The following SNTG1 variants were observed in gnomAD, a reference collection of about 807,000 sequenced individuals.
SNTG1 encodes the protein gamma-1-syntrophin.
SNTG1 carries 39 observed loss-of-function variants against 74.7 expected under a neutral mutation model. That is an observed-to-expected ratio of 0.52 (90% CI 0.40 to 0.68). The LOEUF (loss-of-function observed/expected upper bound fraction) is 0.68, where lower values mean the gene tolerates loss of function less well. Ranked by LOEUF, SNTG1 falls within the 30% of genes least tolerant of loss-of-function variation. The pLI, the probability that SNTG1 is intolerant of heterozygous loss-of-function variation, is 0.00. For missense variants in SNTG1, 685 were observed against 609.5 expected (o/e 1.12, Z -1.30); for synonymous variants, 254 against 217.1 (o/e 1.17, Z -1.49).
At chr8:50,069,267 G>A (rs1194752977) in intron 1 of SNTG1, among the ~76,000 whole-genome samples, 3 of 152,130 alleles carry the variant, frequency 2.0e-5, no homozygotes, top group Admixed American at 6.5e-5. Context: ...CCAACTTTGG[G>A]CTCAGTGGTA....
At chr8:50,227,059 G>T (rs1041564218) in intron 2 of SNTG1, among the ~76,000 whole-genome samples, 1 of 152,012 alleles carries the variant, frequency 6.6e-6, no homozygotes, top group African/African-American at 2.4e-5. Context: ...AATACATCTG[G>T]ACACACTGAA....
At chr8:50,564,349 C>T (rs1057277908) in intron 12 of SNTG1, among the ~76,000 whole-genome samples, 8 of 151,966 alleles carry the variant, frequency 5.3e-5, no homozygotes, top group African/African-American at 1.9e-4. Context: ...AATATATAAA[C>T]ATATATAGAA....
chr8:50,101,170 G>T (rs925357035), intron 1 of SNTG1, among the ~76,000 whole-genome samples: 1 of 151,822 alleles, frequency 6.6e-6, no homozygotes, highest in Non-Finnish European at 1.5e-5. Flanking sequence ...TTTTCCTTAC[G>T]CAATCCATCA....
chr8:50,225,731 C>A (rs911619876), intron 2 of SNTG1, among the ~76,000 whole-genome samples: 1 of 152,128 alleles, frequency 6.6e-6, no homozygotes, highest in Admixed American at 6.5e-5. Context: ...TATTTAAGTG[C>A]TTGAGTAAGA....
At chr8:50,334,351 C>T (rs2091068501) in intron 2 of SNTG1, among the ~76,000 whole-genome samples, 1 of 152,086 alleles carries the variant, frequency 6.6e-6, no homozygotes, top group African/African-American at 2.4e-5. Flanking sequence ...TGTTTTAAGC[C>T]AGTAACTTTG....
chr8:50,222,392 A>G (rs1222277562), intron 2 of SNTG1, among the ~76,000 whole-genome samples: 1 of 152,178 alleles, frequency 6.6e-6, no homozygotes, highest in Non-Finnish European at 1.5e-5. Flanking sequence ...GGTTAAAGGC[A>G]CATCTCTTTC....
At chr8:50,198,354 C>T (rs1049171313) in intron 2 of SNTG1, among the ~76,000 whole-genome samples, 24 of 152,266 alleles carry the variant, frequency 1.6e-4, no homozygotes, top group Middle Eastern at 3.4e-3. Context: ...TTTTATCATG[C>T]CACACCATCA....
At chr8:50,655,795 A>T (rs186353835) in intron 13 of SNTG1, among the ~76,000 whole-genome samples, 7 of 152,326 alleles carry the variant, frequency 4.6e-5, no homozygotes, top group South Asian at 2.1e-4. Flanking sequence ...GCTGCAAAAC[A>T]AACCATCCCC....
Position 50,236,910 on chromosome 8 carries a change from TA to T in SNTG1, c.-28+64280del, listed in dbSNP as rs944668797. 2.0e-4 allele frequency among the ~76,000 whole-genome samples: 31 copies of T among 152,290 alleles called. 1 individual carries two copies. The highest frequency in any genetic ancestry group is 7.2e-4 in the African/African-American group (30 of 41,580). ...ATTTGGAAGCAAATCCTAGATATCA[TA>T]AAAACTTCCTTTAAGTAGTTCAGTG... On this transcript the variant is annotated intron_variant, in intron 2 of 18. Transcript: ENST00000642720.
At position 50,174,394 on chromosome 8, in the gene SNTG1, A is replaced by T. The variant is rs559992297; in HGVS notation, c.-28+1759A>T. Among the ~76,000 whole-genome samples the T allele has an allele frequency of 2.0e-5, 3 of 152,250 alleles. No individual in the cohort carries two copies. The South Asian group carries it at 6.2e-4, about 32-fold the overall frequency. On this transcript the variant is annotated intron_variant, in intron 2 of 18. Transcript: ENST00000642720. ...GGTCAAATGGTATTTCTGGTTCTAGATCCTTGAGGAATCACCACACTGTTT... is the reference window on the plus strand; with the variant it reads ...GGTCAAATGGTATTTCTGGTTCTAGTTCCTTGAGGAATCACCACACTGTTT...
At chr8:50,206,328 C>T (rs2084235937) in intron 2 of SNTG1, among the ~76,000 whole-genome samples, 1 of 152,112 alleles carries the variant, frequency 6.6e-6, no homozygotes, top group African/African-American at 2.4e-5. Flanking sequence ...CTCTTTGAAG[C>T]AATTGTGAAT....
chr8:50,276,402 TATATATAA>T (rs1321576512), intron 2 of SNTG1, among the ~76,000 whole-genome samples: 3 of 142,040 alleles, frequency 2.1e-5, no homozygotes, highest in East Asian at 4.0e-4. Flanking sequence ...TATATATATA[TATATATAA>T]ATCATATATT....
intron 14 of SNTG1, among the ~76,000 whole-genome samples, chr8:50,657,669 A>C (rs2095191842): frequency 6.6e-6 from 1 of 152,112 alleles, no homozygotes; most frequent in South Asian, 2.1e-4. Flanking sequence ...ATCCTTGGCA[A>C]ACAACACAAA....
chr8:50,341,738 G>A (rs2091324073), intron 2 of SNTG1, among the ~76,000 whole-genome samples: 1 of 151,966 alleles, frequency 6.6e-6, no homozygotes, highest in Non-Finnish European at 1.5e-5. Flanking sequence ...AACCATTAGT[G>A]GTGCCAGTTT....
chr8:50,226,169 C>T (rs2085317501), intron 2 of SNTG1, among the ~76,000 whole-genome samples: 1 of 152,038 alleles, frequency 6.6e-6, no homozygotes, highest in Non-Finnish European at 1.5e-5. Flanking sequence ...GAGGACTAAG[C>T]TCTGATTTTT....
rs537594934 is a variant in SNTG1 at position 50,150,185 on chromosome 8, TTC to T, written c.-102-22372_-102-22371del. Reference sequence around the variant, plus strand: ...GAAGGGGTGTTCACTCAGGATTTGGTTCTCTGTTTGTCTGTTATTGGTGTATA... The same window carrying T: ...GAAGGGGTGTTCACTCAGGATTTGGTTCTGTTTGTCTGTTATTGGTGTATA... On this transcript the variant is annotated intron_variant, in intron 1 of 18. Transcript: ENST00000642720. Among the ~76,000 whole-genome samples, 536 of 152,218 alleles carry T rather than the reference TTC, an allele frequency of 3.5e-3. 2 individuals carry two copies. The highest frequency in any genetic ancestry group is 0.011 in the African/African-American group (473 of 41,550).
chr8:50,189,072 A>G lies in SNTG1; in HGVS notation c.-28+16437A>G, dbSNP rs941421361. On this transcript the variant is annotated intron_variant, in intron 2 of 18. Coordinates refer to ENST00000642720, the MANE Select transcript of SNTG1 (RefSeq NM_018967.5). ...GAGGTACACACTTCCTCCATAATCC[A>G]TGGAGGTCTCACAGGAATAGCACAA... Among the ~76,000 whole-genome samples the G allele has an allele frequency of 2.4e-4, 36 of 152,130 alleles. 1 individual carries two copies. The highest frequency in any genetic ancestry group is 8.2e-4 in the African/African-American group (34 of 41,418).
chr8:50,029,479 C>G (rs982828047), intron 1 of SNTG1, among the ~76,000 whole-genome samples: 1 of 152,014 alleles, frequency 6.6e-6, no homozygotes, highest in African/African-American at 2.4e-5. Context: ...CATTAACCAT[C>G]CCCACATTAT....
At chr8:50,735,011 C>A (rs2095524664) in intron 17 of SNTG1, among the ~76,000 whole-genome samples, 1 of 147,382 alleles carries the variant, frequency 6.8e-6, no homozygotes. Flanking sequence ...ATATCTCAAC[C>A]ATGCAACTTG....
Sources: allele counts gnomAD v4.1 joint callset (sites outside exome capture counted in the v4.1 genomes callset), GRCh38; gene constraint gnomAD v4.1.1; transcripts MANE v1.5; gene names NCBI Gene and HGNC (gene_info 2026-07-23, HGNC 2026-07-21).